The following ADGRL3 variants were observed in gnomAD, a reference collection of about 807,000 sequenced individuals.
ADGRL3 encodes adhesion G protein-coupled receptor L3.
ADGRL3 carries 62 observed loss-of-function variants against 153.5 expected under a neutral mutation model. The observed-to-expected ratio is 0.40, with a 90% CI of 0.33 to 0.50. The LOEUF (loss-of-function observed/expected upper bound fraction) is 0.50. Among genes scored for constraint, ADGRL3 ranks in the 20% least tolerant of loss-of-function variants. The pLI is 0.47. For missense variants in ADGRL3, 1,641 were observed against 1,859.4 expected (o/e 0.88, Z 2.16); for synonymous variants, 710 against 672.5 (o/e 1.06, Z -0.86).
At chr4:61,864,137 A>C (rs768447004) in intron 9 of ADGRL3, among the ~76,000 whole-genome samples, 31 of 152,210 alleles carry the variant, frequency 2.0e-4, no homozygotes, top group Non-Finnish European at 3.7e-4. Context: ...TATGTACCTT[A>C]TCTCTGGAAA....
chr4:61,520,889 A>G (rs535238420), intron 4 of ADGRL3, among the ~76,000 whole-genome samples: 2 of 152,078 alleles, frequency 1.3e-5, no homozygotes, highest in South Asian at 2.1e-4. Context: ...CATTGTCATT[A>G]TAAGTGACTG....
chr4:61,881,764 C>T (rs1467481959), intron 9 of ADGRL3, among the ~76,000 whole-genome samples: 1 of 152,186 alleles, frequency 6.6e-6, no homozygotes, highest in Admixed American at 6.5e-5. Flanking sequence ...ATCCCTTTAT[C>T]ATCATAGGTA....
chr4:61,409,641 A>T (rs2097059216), intron 2 of ADGRL3, among the ~76,000 whole-genome samples: 2 of 151,500 alleles, frequency 1.3e-5, no homozygotes, highest in South Asian at 4.1e-4. Flanking sequence ...AAGTTACTTC[A>T]TGCATTTTTC....
chr4:61,205,334 T>A (rs1736612492), intron 1 of ADGRL3, among the ~76,000 whole-genome samples: 1 of 152,200 alleles, frequency 6.6e-6, no homozygotes, highest in South Asian at 2.1e-4. Flanking sequence ...TGATTGCGAT[T>A]TTCATATTTA....
rs1263921025 is a variant in ADGRL3, at chr4:61,483,957, CTT to C, written c.-173-13163_-173-13162del. The stretch of plus-strand genomic sequence containing the variant: ...TTATGGGCATATAAATAGGACCTAA[CTT>C]ATAATATATTCTGCTCATATATTTA... On this transcript the variant is annotated intron_variant, in intron 2 of 26. Coordinates refer to ENST00000683033, the MANE Select transcript of ADGRL3 (RefSeq NM_001387552.1). Among the ~76,000 whole-genome samples the C allele has an allele frequency of 9.9e-5, 15 of 151,370 alleles. No individual in the cohort carries two copies. The East Asian group carries it at 2.9e-3, about 29-fold the overall frequency.
intron 4 of ADGRL3, among the ~76,000 whole-genome samples, chr4:61,534,368 A>G (rs1157765487): frequency 1.3e-5 from 2 of 152,136 alleles, no homozygotes; most frequent in Non-Finnish European, 2.9e-5. Flanking sequence ...AAGTCAGGAA[A>G]TGTGATGTCT....
intron 4 of ADGRL3, among the ~76,000 whole-genome samples, chr4:61,528,793 G>A (rs374189504): frequency 6.6e-6 from 1 of 152,190 alleles, no homozygotes; most frequent in East Asian, 1.9e-4. Context: ...ACTTTCTGTC[G>A]CATCAGCTAT....
intron 2 of ADGRL3, among the ~76,000 whole-genome samples, chr4:61,453,733 A>G (rs2097702118): frequency 6.6e-6 from 1 of 152,114 alleles, no homozygotes; most frequent in African/African-American, 2.4e-5. Context: ...ATTGATTTGA[A>G]TTCACAACTA....
In ADGRL3 at chr4:61,983,550, C is replaced by T. The variant is rs753984350; in HGVS notation, c.3183C>T (p.Leu1061=). 1.9e-6 allele frequency: 3 copies of T among 1,613,808 alleles called. No homozygotes were observed. Among genetic ancestry groups the T allele is most frequent in the African/African-American group, 2.7e-5 (2 of 74,914 alleles). The change falls in exon 19 of 27, where the codon CTC becomes CTT. Residue 1061 remains leucine (L), a synonymous_variant. Transcript: ENST00000683033. ...FYLVGYGMPA[L]IVAVSAAVDY... ...TGGTCGGCTATGGGATGCCTGCACT[C>T]ATTGTGGCTGTGTCAGCTGCAGTAG...
intron 1 of ADGRL3, among the ~76,000 whole-genome samples, chr4:61,267,259 T>C (rs1347743029): frequency 6.6e-6 from 1 of 151,762 alleles, no homozygotes; most frequent in African/African-American, 2.4e-5. Flanking sequence ...CAGCATTTTC[T>C]TATTTTCAAG....
chr4:61,492,268 G>T (rs1579158120), intron 2 of ADGRL3, among the ~76,000 whole-genome samples: 1 of 152,070 alleles, frequency 6.6e-6, no homozygotes, highest in Non-Finnish European at 1.5e-5. Context: ...TATTGAAGTA[G>T]AATTTGTAGT....
chr4:61,252,046 G>T (rs1193490870), intron 1 of ADGRL3, among the ~76,000 whole-genome samples: 2 of 151,904 alleles, frequency 1.3e-5, no homozygotes, highest in African/African-American at 4.8e-5. Flanking sequence ...ACCATGCCCA[G>T]ATAATTTTTG....
intron 4 of ADGRL3, among the ~76,000 whole-genome samples, chr4:61,586,221 A>AT (rs2098946055): frequency 6.6e-6 from 1 of 151,932 alleles, no homozygotes; most frequent in Non-Finnish European, 1.5e-5. Flanking sequence ...CATCAATTTC[A>AT]TTTTTTAGAA....
intron 1 of ADGRL3, among the ~76,000 whole-genome samples, chr4:61,262,722 C>G (rs1251373662): frequency 6.6e-6 from 1 of 152,036 alleles, no homozygotes; most frequent in Non-Finnish European, 1.5e-5. Context: ...GACTTATGCT[C>G]TCTCTCTCTA....
At chr4:61,224,537 A>G (rs1747056665) in intron 1 of ADGRL3, among the ~76,000 whole-genome samples, 1 of 152,176 alleles carries the variant, frequency 6.6e-6, no homozygotes. Context: ...TTGGTCTTAT[A>G]TTTCTTAAGG....
chr4:61,655,110 C>G (rs141696190), intron 5 of ADGRL3, among the ~76,000 whole-genome samples: 1,585 of 151,906 alleles, frequency 0.01, 32 homozygotes, highest in African/African-American at 0.035. Flanking sequence ...TTCTTTGTGG[C>G]CAGCAGTGTA....
chr4:61,856,188 C>G (rs554101298), intron 9 of ADGRL3, among the ~76,000 whole-genome samples: 1 of 152,082 alleles, frequency 6.6e-6, no homozygotes, highest in South Asian at 2.1e-4. Flanking sequence ...GGCAACATAG[C>G]CAGACTCCAC....
rs747661316 is a variant in ADGRL3 at position 61,419,189 on chromosome 4, A to G, written c.-174+36000A>G. ...ATTATAAGTAAATGAAGTGATGTAT[A>G]ATGAAACCAATTTTACTATATGCTT... On this transcript the variant is annotated intron_variant, in intron 2 of 26. Coordinates refer to ENST00000683033, the MANE Select transcript of ADGRL3 (RefSeq NM_001387552.1). Among the ~76,000 whole-genome samples the G allele has an allele frequency of 4.6e-5, 7 of 150,840 alleles. No homozygotes were observed. In the South Asian group the frequency reaches 1.5e-3, roughly 32 times the overall value.
intron 25 of ADGRL3, among the ~76,000 whole-genome samples, chr4:62,064,306 T>G (rs906012338): frequency 1.2e-4 from 18 of 151,620 alleles, no homozygotes; most frequent in African/African-American, 2.4e-4. Context: ...TCCTCCAGCT[T>G]GAAAATGATC....
Sources: allele counts gnomAD v4.1 joint callset (sites outside exome capture counted in the v4.1 genomes callset), GRCh38; gene constraint gnomAD v4.1.1; transcripts MANE v1.5; gene names NCBI Gene and HGNC (gene_info 2026-07-23, HGNC 2026-07-21).